Variants in CNTNAP5 observed in about 807,000 individuals in gnomAD.
The protein encoded by CNTNAP5 is contactin-associated protein-like 5.
In CNTNAP5, 72 loss-of-function variants were observed where a neutral mutation model predicts 150.2. The ratio of observed to expected loss-of-function variants is 0.48; its 90% CI spans 0.40 to 0.58. The LOEUF is 0.58. Among genes scored for constraint, CNTNAP5 ranks in the 20% least tolerant of loss-of-function variants. The pLI is 0.00. For synonymous variants in CNTNAP5, 672 were observed against 619.8 expected (o/e 1.08, Z -1.25); for missense variants, 1,636 against 1,626.2 (o/e 1.01, Z -0.10).
chr2:124,304,084 T>G (rs1688624151), intron 3 of CNTNAP5, among the ~76,000 whole-genome samples: 1 of 152,262 alleles, frequency 6.6e-6, no homozygotes, highest in East Asian at 1.9e-4. Flanking sequence ...TGCCAGGAAC[T>G]ATGCTAGGTC....
intron 1 of CNTNAP5, among the ~76,000 whole-genome samples, chr2:124,137,498 T>C (rs1234600470): frequency 6.6e-6 from 1 of 152,166 alleles, no homozygotes; most frequent in Admixed American, 6.5e-5. Flanking sequence ...ATTTAATAGC[T>C]TAAAACCACT....
chr2:124,072,536 G>A lies in CNTNAP5; in HGVS notation c.82+46804G>A, dbSNP rs147884271. The stretch of plus-strand genomic sequence containing the variant: ...TAAACAAATTCAGTAAAATTGCAGC[G>A]TGCAAAATCAACATACAAAAATCAG... On this transcript the variant is annotated intron_variant, in intron 1 of 23. Transcript: ENST00000682447. Among the ~76,000 whole-genome samples, 171 of 151,802 alleles carry A rather than the reference G, an allele frequency of 1.1e-3. 1 individual carries two copies. Among genetic ancestry groups the A allele is most frequent in the African/African-American group, 3.7e-3 (155 of 41,468 alleles).
chr2:124,538,998 C>G (rs1381478673), intron 10 of CNTNAP5, among the ~76,000 whole-genome samples: 1 of 152,194 alleles, frequency 6.6e-6, no homozygotes, highest in East Asian at 1.9e-4. Context: ...TTGATGTCCA[C>G]TCATGGGGCC....
At chr2:124,780,634 T>A (rs976529182) in intron 17 of CNTNAP5, among the ~76,000 whole-genome samples, 1 of 152,234 alleles carries the variant, frequency 6.6e-6, no homozygotes, top group African/African-American at 2.4e-5. Flanking sequence ...CTGCTATTAT[T>A]TTCCCCCTGA....
At chr2:124,124,733 G>T (rs1441548727) in intron 1 of CNTNAP5, among the ~76,000 whole-genome samples, 12 of 152,182 alleles carry the variant, frequency 7.9e-5, no homozygotes, top group Admixed American at 7.2e-4. Context: ...AACTCTACAA[G>T]CCAGAAGAGA....
At chr2:124,379,431 C>T (rs1298761123) in intron 3 of CNTNAP5, among the ~76,000 whole-genome samples, 1 of 152,030 alleles carries the variant, frequency 6.6e-6, no homozygotes, top group African/African-American at 2.4e-5. Flanking sequence ...TAGTCTGGCC[C>T]CTTTCACTTG....
intron 13 of CNTNAP5, among the ~76,000 whole-genome samples, chr2:124,706,905 A>AGAAGAGGAAGAGGAAGAAGAG (rs1679669446): frequency 1.9e-4 from 2 of 10,424 alleles, no homozygotes; most frequent in African/African-American, 7.3e-4. Context: ...AAGAAGAAGG[A>AGAAGAGGAAGAGGAAGAAGAG]GGAGGAGGAG....
At chr2:124,706,191 T>C (rs1679633481) in intron 13 of CNTNAP5, among the ~76,000 whole-genome samples, 1 of 152,160 alleles carries the variant, frequency 6.6e-6, no homozygotes, top group South Asian at 2.1e-4. Context: ...TTTCCAAATG[T>C]TAGAAATAAT....
intron 1 of CNTNAP5, among the ~76,000 whole-genome samples, chr2:124,125,327 T>G (rs191483640): frequency 1.3e-5 from 2 of 152,244 alleles, no homozygotes; most frequent in African/African-American, 4.8e-5. Flanking sequence ...GGCCATTACA[T>G]AATGGTAAAG....
chr2:124,573,921 A>G (rs1174659841), intron 11 of CNTNAP5, among the ~76,000 whole-genome samples: 5 of 152,240 alleles, frequency 3.3e-5, no homozygotes, highest in Non-Finnish European at 5.9e-5. Context: ...GACAACATCT[A>G]GCACAATATT....
chr2:124,121,918 C>G lies in CNTNAP5; in HGVS notation c.82+96186C>G, dbSNP rs1029196077. The stretch of plus-strand genomic sequence containing the variant: ...AGTGCCTGCTGTGAACTGTACAAGA[C>G]AGATGCATGGAACTATTACCACCAT... On this transcript the variant is annotated intron_variant, in intron 1 of 23. Coordinates refer to ENST00000682447, the MANE Select transcript of CNTNAP5 (RefSeq NM_001367498.1). Among the ~76,000 whole-genome samples the G allele has an allele frequency of 1.1e-4, 17 of 152,168 alleles. 1 individual carries two copies. The highest frequency in any genetic ancestry group is 4.1e-4 in the African/African-American group (17 of 41,448).
At chr2:124,294,151 C>T (rs1225873263) in intron 3 of CNTNAP5, among the ~76,000 whole-genome samples, 2 of 152,118 alleles carry the variant, frequency 1.3e-5, no homozygotes, top group African/African-American at 2.4e-5. Flanking sequence ...GCACTTTTCT[C>T]TGGAGGCTGG....
chr2:124,779,940 G>T (rs148564060), intron 17 of CNTNAP5, among the ~76,000 whole-genome samples: 1 of 152,108 alleles, frequency 6.6e-6, no homozygotes, highest in South Asian at 2.1e-4. Flanking sequence ...GTGGGAAGAC[G>T]TAGTGTCTAA....
intron 8 of CNTNAP5, among the ~76,000 whole-genome samples, chr2:124,516,550 G>C (rs961036496): frequency 6.6e-6 from 1 of 152,174 alleles, no homozygotes; most frequent in Non-Finnish European, 1.5e-5. Flanking sequence ...AGGAATAACA[G>C]GTGAATAAAG....
chr2:124,635,145 G>T (rs572322300), intron 12 of CNTNAP5, among the ~76,000 whole-genome samples: 1 of 152,286 alleles, frequency 6.6e-6, no homozygotes, highest in African/African-American at 2.4e-5. Flanking sequence ...GGCTGTACAG[G>T]AAGTATGATG....
At chr2:124,883,733 T>G (rs1294853292) in intron 21 of CNTNAP5, among the ~76,000 whole-genome samples, 1 of 152,114 alleles carries the variant, frequency 6.6e-6, no homozygotes, top group Admixed American at 6.6e-5. Context: ...TGCGTGGGTT[T>G]GTACATGCAT....
intron 13 of CNTNAP5, among the ~76,000 whole-genome samples, chr2:124,741,986 A>G (rs1489241823): frequency 6.6e-6 from 1 of 152,116 alleles, no homozygotes; most frequent in Non-Finnish European, 1.5e-5. Context: ...TATCCTGTTT[A>G]GGATAATTAG....
At chr2:124,550,767 T>C (rs1008577148) in intron 10 of CNTNAP5, among the ~76,000 whole-genome samples, 5 of 152,152 alleles carry the variant, frequency 3.3e-5, no homozygotes, top group Non-Finnish European at 7.3e-5. Context: ...ATATTCTATT[T>C]TGTGAAAATG....
intron 18 of CNTNAP5, among the ~76,000 whole-genome samples, chr2:124,791,663 G>A (rs1466821997): frequency 6.7e-6 from 1 of 148,208 alleles, no homozygotes; most frequent in African/African-American, 2.5e-5. Flanking sequence ...AGATCTCGTA[G>A]ATCATATTGT....
Sources: gnomAD v4.1 joint callset for allele counts (sites outside exome capture counted in the v4.1 genomes callset) on GRCh38, gnomAD v4.1.1 for gene constraint, MANE v1.5 for transcripts, NCBI Gene and HGNC (gene_info 2026-07-23, HGNC 2026-07-21) for gene names.